CUX1: variants seen among roughly 807,000 people sequenced by gnomAD.
CUX1 encodes the protein cut like homeobox 1.
CUX1 carries 31 observed loss-of-function variants against 158.8 expected under a neutral mutation model. The ratio of observed to expected loss-of-function variants is 0.20; its 90% CI spans 0.15 to 0.26. CUX1 has a LOEUF of 0.26. Ranked by LOEUF, CUX1 falls within the 10% of genes least tolerant of loss-of-function variation. CUX1 has a pLI of 1.00. For synonymous variants in CUX1, 879 were observed against 862.1 expected (o/e 1.02, Z -0.34); for missense variants, 1,589 against 2,014.6 (o/e 0.79, Z 4.04).
chr7:102,149,703 C>T (rs376090763), intron 8 of CUX1, among the ~76,000 whole-genome samples: 3 of 152,150 alleles, frequency 2.0e-5, no homozygotes, highest in African/African-American at 7.2e-5. Flanking sequence ...AGCCCTTCTC[C>T]GTAAGTTCAG....
intron 6 of CUX1, 109 bp downstream of exon 6, chr7:102,104,568 C>T: frequency 7.0e-7 from 1 of 1,423,234 alleles, no homozygotes; most frequent in South Asian, 1.3e-5. Flanking sequence ...AGGTTGTAAC[C>T]CCAAATCTAT....
At chr7:101,833,663 G>A (rs1794308246) in intron 1 of CUX1, among the ~76,000 whole-genome samples, 1 of 151,406 alleles carries the variant, frequency 6.6e-6, no homozygotes, top group African/African-American at 2.4e-5. Flanking sequence ...GAAGATGGAT[G>A]TCAGGTTAAA....
chr7:101,826,957 A>C (rs1173664563), intron 1 of CUX1, among the ~76,000 whole-genome samples: 1 of 152,154 alleles, frequency 6.6e-6, no homozygotes, highest in Non-Finnish European at 1.5e-5. Flanking sequence ...TAGTGAAAGC[A>C]GGTAGATTAT....
At position 101,834,815 on chromosome 7, in the gene CUX1, A is replaced by G. The variant is rs190976299; in HGVS notation, c.30+17146A>G. On this transcript the variant is annotated intron_variant, in intron 1 of 23. Coordinates refer to ENST00000292535, the MANE Select transcript of CUX1 (RefSeq NM_181552.4). ...GAAGTTTGAGATCAGCCTGGCCAAC[A>G]TGGCAAAACCCTGTCCCTACTAAAA... 6.6e-4 allele frequency among the ~76,000 whole-genome samples: 100 copies of G among 152,246 alleles called. No homozygotes were observed. In the Middle Eastern group the frequency reaches 0.01, roughly 16 times the overall value.
chr7:101,903,987 C>T (rs1273236822), intron 1 of CUX1, among the ~76,000 whole-genome samples: 1 of 151,988 alleles, frequency 6.6e-6, no homozygotes, highest in African/African-American at 2.4e-5. Flanking sequence ...GTAACGTGTT[C>T]ACTTGGTCTA....
chr7:102,242,657 T>C (rs1800349917), intron 23 of CUX1, among the ~76,000 whole-genome samples: 1 of 152,190 alleles, frequency 6.6e-6, no homozygotes, highest in African/African-American at 2.4e-5. Flanking sequence ...ATGCTACCAA[T>C]TATACAAAAC....
intron 21 of CUX1, among the ~76,000 whole-genome samples, chr7:102,231,979 CT>C (rs1554531008): frequency 6.6e-6 from 1 of 151,468 alleles, no homozygotes; most frequent in Admixed American, 6.6e-5. Flanking sequence ...TTGCAAAGTG[CT>C]GGGATTACAG....
At chr7:101,972,944 G>A (rs920653596) in intron 2 of CUX1, among the ~76,000 whole-genome samples, 4 of 152,100 alleles carry the variant, frequency 2.6e-5, no homozygotes, top group African/African-American at 9.7e-5. Context: ...TGACCTTAAG[G>A]CGAAAAGCTC....
chr7:101,904,617 G>A lies in CUX1; in HGVS notation c.31-11498G>A, dbSNP rs181674396. 3.3e-3 allele frequency among the ~76,000 whole-genome samples: 496 copies of A among 149,666 alleles called. 1 individual carries two copies. Among genetic ancestry groups the A allele is most frequent in the African/African-American group, 0.012 (478 of 40,512 alleles). ...AGAGTCTCACTCTGTTGCCCAGGCTGGAGTGTAGTGGTGTGATCTTGGCTC... is the reference window on the plus strand; with the variant it reads ...AGAGTCTCACTCTGTTGCCCAGGCTAGAGTGTAGTGGTGTGATCTTGGCTC... On this transcript the variant is annotated intron_variant, in intron 1 of 23. Coordinates refer to ENST00000292535, the MANE Select transcript of CUX1 (RefSeq NM_181552.4).
chr7:101,866,537 T>C (rs1359915271), intron 1 of CUX1, among the ~76,000 whole-genome samples: 1 of 151,954 alleles, frequency 6.6e-6, no homozygotes, highest in Non-Finnish European at 1.5e-5. Flanking sequence ...GAGGCTGAGG[T>C]GGGAGGATCA....
chr7:102,248,666 C>T lies in CUX1; in HGVS notation c.4142C>T (p.Pro1381Leu), dbSNP rs1554538008. The change falls in exon 24 of 24, where the codon CCG (proline) becomes CTG (leucine). Residue 1381 changes from proline (P) to leucine (L), a missense_variant. Physicochemically the swap from Pro to Leu is moderately conservative, Grantham distance 98. Around this residue, in one of 8 missense-constraint regions of CUX1, gnomAD observed 344 missense variants for 323.7 expected, o/e 1.06. Coordinates refer to ENST00000292535, the MANE Select transcript of CUX1 (RefSeq NM_181552.4). The surrounding 1 kb of genome is among the most constrained non-coding windows in gnomAD (Gnocchi z 5.8). ...ACGGAGCCGCCGCCCTCGGGGACCC[C>T]GGGCCCGGACGACGCCCGCGACGAC... ...EQTEPPPSGT[P>L]GPDDARDDDH... The T allele has an allele frequency of 2.3e-6, 3 of 1,325,034 alleles. No homozygotes were observed. Among genetic ancestry groups the T allele is most frequent in the Admixed American group, 3.9e-5 (1 of 25,740 alleles). 82.1% of individuals were successfully genotyped at this position (1,325,034 alleles called of 1,614,324 possible). A position where few individuals can be genotyped will look rare whatever the true frequency, so the allele number is the denominator to read the frequency against.
intron 8 of CUX1, among the ~76,000 whole-genome samples, chr7:102,121,953 C>T (rs781905433): frequency 2.5e-4 from 38 of 152,172 alleles, no homozygotes; most frequent in Non-Finnish European, 1.3e-4. Flanking sequence ...CCCAGCCTCA[C>T]AAGCCCCCGT....
chr7:102,103,823 G>A (rs1302486230), intron 5 of CUX1, among the ~76,000 whole-genome samples: 5 of 151,712 alleles, frequency 3.3e-5, no homozygotes, highest in South Asian at 2.1e-4. Flanking sequence ...TACATGAGAC[G>A]TTTTGATACA....
intron 8 of CUX1, among the ~76,000 whole-genome samples, chr7:102,116,950 G>A (rs1831498281): frequency 6.6e-6 from 1 of 152,190 alleles, no homozygotes; most frequent in South Asian, 2.1e-4. Flanking sequence ...GCCTCGCCCT[G>A]TGCAAATTCT....
In CUX1 at chr7:102,133,650, A is replaced by C. The variant is rs551020953; in HGVS notation, c.674+18377A>C. Among the ~76,000 whole-genome samples, 3 of 151,558 alleles carry C rather than the reference A, an allele frequency of 2.0e-5. No homozygotes were observed. In the East Asian group the frequency reaches 5.9e-4, roughly 30 times the overall value. On this transcript the variant is annotated intron_variant, in intron 8 of 23. Coordinates refer to ENST00000292535, the MANE Select transcript of CUX1 (RefSeq NM_181552.4). ...GCCACCACACCCAGATAATTTTTGT[A>C]GTTTTTAGTAGAGACAGGGTTTCAC...
intron 2 of CUX1, among the ~76,000 whole-genome samples, chr7:101,994,737 A>AGGTCTTGGTTT (rs1199574147): frequency 6.6e-6 from 1 of 152,062 alleles, no homozygotes; most frequent in Admixed American, 6.5e-5. Flanking sequence ...ATGTTCCAGA[A>AGGTCTTGGTTT]GGTCTTGGTT....
At chr7:101,980,756 G>T (rs537102259) in intron 2 of CUX1, among the ~76,000 whole-genome samples, 9 of 152,016 alleles carry the variant, frequency 5.9e-5, no homozygotes, top group Non-Finnish European at 1.3e-4. Context: ...CCCGGCCCAA[G>T]AACAGGGCTC....
intron 2 of CUX1, among the ~76,000 whole-genome samples, chr7:101,977,987 G>A (rs1263721001): frequency 6.6e-6 from 1 of 150,972 alleles, no homozygotes; most frequent in African/African-American, 2.4e-5. Context: ...CCTGACCCCT[G>A]TCTGAGATAC....
At chr7:101,874,935 A>C (rs1053419042) in intron 1 of CUX1, among the ~76,000 whole-genome samples, 2 of 152,200 alleles carry the variant, frequency 1.3e-5, no homozygotes, top group African/African-American at 4.8e-5. Context: ...TCGAGGACAG[A>C]CACCGCTGCT....
Sources: allele counts gnomAD v4.1 joint callset (sites outside exome capture counted in the v4.1 genomes callset), GRCh38; gene constraint gnomAD v4.1.1; regional missense constraint gnomAD v4.1.1; non-coding constraint Gnocchi (gnomAD v3.1); transcripts MANE v1.5; gene names NCBI Gene and HGNC (gene_info 2026-07-23, HGNC 2026-07-21).